BLVRB: variants seen among roughly 807,000 people sequenced by gnomAD.
BLVRB encodes flavin reductase (NADPH).
In BLVRB, 25 loss-of-function variants were observed where a neutral mutation model predicts 21.1. That is an observed-to-expected ratio of 1.19 (90% CI 0.86 to 1.66). The LOEUF (loss-of-function observed/expected upper bound fraction) is 1.66, where lower values mean the gene tolerates loss of function less well. Ranked by LOEUF, BLVRB falls within the 40% of genes most tolerant of loss-of-function variation. BLVRB has a pLI of 0.00. For synonymous variants in BLVRB, 128 were observed against 122.2 expected (o/e 1.05, Z -0.31); for missense variants, 274 against 282.7 (o/e 0.97, Z 0.22).
At chr19:40,448,997 G>A (rs1295091136) in intron 4 of BLVRB, among the ~76,000 whole-genome samples, 1 of 151,996 alleles carries the variant, frequency 6.6e-6, no homozygotes, top group Non-Finnish European at 1.5e-5. Flanking sequence ...AGAATCACTT[G>A]AGCCCAGAAG....
intron 3 of BLVRB, 22 bp downstream of exon 3, chr19:40,458,133 C>A (rs777409601): frequency 8.7e-6 from 14 of 1,611,126 alleles, no homozygotes; most frequent in Non-Finnish European, 1.2e-5. Flanking sequence ...TTCAGCCCCA[C>A]CTCCATGATC....
intron 3 of BLVRB, among the ~76,000 whole-genome samples, chr19:40,452,005 C>T (rs2079742296): frequency 6.6e-6 from 1 of 152,154 alleles, no homozygotes; most frequent in Admixed American, 6.6e-5. Context: ...CCGCCTGGTC[C>T]TGTCCACTGT....
chr19:40,462,558 G>A (rs548492838), intron 1 of BLVRB, among the ~76,000 whole-genome samples: 3 of 149,996 alleles, frequency 2.0e-5, no homozygotes, highest in South Asian at 2.1e-4. Context: ...GATTACAGGC[G>A]TGAGCCATGG....
chr19:40,460,500 C>T (rs900508492), intron 1 of BLVRB, among the ~76,000 whole-genome samples: 2 of 151,124 alleles, frequency 1.3e-5, no homozygotes, highest in African/African-American at 2.4e-5. Context: ...GGTGTGCTGG[C>T]GCAACCTGTA....
chr19:40,460,245 AACATATATATATATAT>A (rs1264777043), intron 1 of BLVRB, among the ~76,000 whole-genome samples: 1 of 53,568 alleles, frequency 1.9e-5, no homozygotes, highest in African/African-American at 9.6e-5. Context: ...CTGTAATAGC[AACATATATATATATAT>A]ATATATATAT....
At chr19:40,462,488 C>T (rs2079792072) in intron 1 of BLVRB, among the ~76,000 whole-genome samples, 1 of 151,092 alleles carries the variant, frequency 6.6e-6, no homozygotes, top group Non-Finnish European at 1.5e-5. Flanking sequence ...CGGTGTTAGC[C>T]AGGGTGGTCT....
intron 1 of BLVRB, 60 bp from the exon 2 acceptor site, chr19:40,458,605 G>A: frequency 6.7e-7 from 1 of 1,502,492 alleles, no homozygotes. Flanking sequence ...GGCTCCAGGA[G>A]CTGGGTCCTA....
intron 3 of BLVRB, among the ~76,000 whole-genome samples, chr19:40,454,074 T>G (rs1216979563): frequency 6.6e-6 from 1 of 152,130 alleles, no homozygotes; most frequent in African/African-American, 2.4e-5. Context: ...AAAGCCAGAC[T>G]CTGTCGCAAC....
chr19:40,458,217 G>T lies in BLVRB; in HGVS notation c.272C>A (p.Ala91Asp). The change falls in exon 3 of 5, where the codon GCC becomes GAC. Residue 91 changes from alanine to aspartate, a missense_variant. Physicochemically the swap from Ala to Asp is moderately radical, Grantham distance 126. Coordinates refer to ENST00000263368, the MANE Select transcript of BLVRB (RefSeq NM_000713.3). ...CTTCATGGCTGCCACAATGTTCCGG[G>T]CGCCCTCGGACATCACTGTCGTGGG... ...LSPTTVMSEGARNIVAAMKAH... is the reference protein window; with the variant it reads ...LSPTTVMSEGDRNIVAAMKAH... The T allele has an allele frequency of 1.9e-6, 3 of 1,613,808 alleles. No individual in the cohort carries two copies. Among genetic ancestry groups the T allele is most frequent in the Non-Finnish European group, 2.5e-6 (3 of 1,179,918 alleles).
chr19:40,458,286 C>T (rs1568739453), intron 2 of BLVRB, 42 bp from the exon 3 acceptor site: 19 of 877,172 alleles, frequency 2.2e-5, no homozygotes, highest in East Asian at 1.9e-4. Flanking sequence ...TGGGCGGCGG[C>T]GGCGGCAGGG....
Position 40,451,364 on chromosome 19 carries a change from C to T in BLVRB, c.463G>A (p.Gly155Arg), listed in dbSNP as rs762783464. The change falls in exon 4 of 5, where the codon GGA (glycine) becomes AGA (arginine). Residue 155 changes from glycine to arginine, a missense_variant and splice_region_variant. Transcript: ENST00000263368. Reference sequence around the variant, plus strand: ...GCCACCAGGTCCCTGCCCTGCTTACCTATGTGTGGCGGCATCACAGCCACG... The same window carrying T: ...GCCACCAGGTCCCTGCCCTGCTTACTTATGTGTGGCGGCATCACAGCCACG... ...KYVAVMPPHI[G>R]DQPLTGAYTV... 3 of 1,601,260 alleles carry T rather than the reference C, an allele frequency of 1.9e-6. No individual in the cohort carries two copies. The highest frequency in any genetic ancestry group is 3.5e-5 in the Admixed American group (2 of 57,634).
chr19:40,452,903 AC>A (rs746892939), intron 3 of BLVRB, among the ~76,000 whole-genome samples: 11,224 of 131,792 alleles, frequency 0.085, 770 homozygotes, highest in African/African-American at 0.24. Flanking sequence ...AACAAAAAAA[AC>A]ACAAAAATTA....
chr19:40,451,534 C>CTT (rs66462314), intron 3 of BLVRB, 42 bp from the exon 4 acceptor site: 1,060 of 1,332,456 alleles, frequency 8.0e-4, no homozygotes, highest in East Asian at 3.9e-3. Flanking sequence ...GCTCTCTTGT[C>CTT]TTTTTTTTTT....
Position 40,458,249 on chromosome 19 carries a change from G to A in BLVRB, c.245-5C>T, listed in dbSNP as rs746764496. 2 of 1,611,660 alleles carry A rather than the reference G, an allele frequency of 1.2e-6. No individual in the cohort carries two copies. Among genetic ancestry groups the A allele is most frequent in the Non-Finnish European group, 1.7e-6 (2 of 1,178,914 alleles). On this transcript the variant is annotated splice_polypyrimidine_tract_variant and splice_region_variant and intron_variant, in intron 2 of 4. Transcript: ENST00000263368. ...CGGACATCACTGTCGTGGGACCTTA[G>A]AGGGGACAGAGAGTGGCTGTCACTG... is the stretch of plus-strand genomic sequence containing the variant.
intron 1 of BLVRB, among the ~76,000 whole-genome samples, chr19:40,464,545 G>T (rs2079802391): frequency 6.6e-6 from 1 of 152,170 alleles, no homozygotes; most frequent in Non-Finnish European, 1.5e-5. Context: ...GAATTCGGTG[G>T]AATTAGTGGA....
At chr19:40,463,095 A>C (rs1436805498) in intron 1 of BLVRB, among the ~76,000 whole-genome samples, 1 of 152,092 alleles carries the variant, frequency 6.6e-6, no homozygotes, top group Non-Finnish European at 1.5e-5. Context: ...TTCAGATCTC[A>C]TTGTAACTCA....
At chr19:40,453,454 G>A (rs1324578288) in intron 3 of BLVRB, among the ~76,000 whole-genome samples, 3 of 152,148 alleles carry the variant, frequency 2.0e-5, no homozygotes, top group Non-Finnish European at 2.9e-5. Flanking sequence ...GCCCTTAGAA[G>A]CATCTGGAAC....
chr19:40,462,060 G>A (rs1217344436), intron 1 of BLVRB, among the ~76,000 whole-genome samples: 1 of 152,148 alleles, frequency 6.6e-6, no homozygotes, highest in Admixed American at 6.6e-5. Flanking sequence ...ACTGCCCCAG[G>A]GACCTTGATC....
intron 1 of BLVRB, 39 bp downstream of exon 1, chr19:40,465,571 G>A (rs1282284851): frequency 1.3e-6 from 2 of 1,586,246 alleles, no homozygotes; most frequent in South Asian, 2.3e-5. Flanking sequence ...AGTTCTGCCC[G>A]TCTGTCCCGT....
Sources: gnomAD v4.1 joint callset for allele counts (sites outside exome capture counted in the v4.1 genomes callset) on GRCh38, gnomAD v4.1.1 for gene constraint, MANE v1.5 for transcripts, NCBI Gene and HGNC (gene_info 2026-07-23, HGNC 2026-07-21) for gene names.